Variants in RBMS3 observed in about 807,000 individuals in gnomAD.
The protein encoded by RBMS3 is RNA-binding motif, single-stranded-interacting protein 3.
In RBMS3, 27 loss-of-function variants were observed where a neutral mutation model predicts 66.8. The ratio of observed to expected loss-of-function variants is 0.40; its 90% CI spans 0.30 to 0.56. The LOEUF (loss-of-function observed/expected upper bound fraction) is 0.56. RBMS3 is among the 20% of genes least tolerant of loss of function. The probability of loss-of-function intolerance (pLI) is 0.40; values close to 1 mark genes in which losing one functional copy is unlikely to be tolerated. For synonymous variants in RBMS3, 188 were observed against 183.0 expected (o/e 1.03, Z -0.22); for missense variants, 513 against 549.5 (o/e 0.93, Z 0.66).
intron 8 of RBMS3, among the ~76,000 whole-genome samples, chr3:29,894,899 A>C (rs1217420718): frequency 6.6e-6 from 1 of 151,592 alleles, no homozygotes; most frequent in Non-Finnish European, 1.5e-5. Flanking sequence ...TTTTAGGTAG[A>C]GAGAATTTCA....
chr3:29,317,759 G>A (rs2034771835), intron 1 of RBMS3, among the ~76,000 whole-genome samples: 1 of 151,698 alleles, frequency 6.6e-6, no homozygotes, highest in African/African-American at 2.4e-5. Context: ...AAACTGTATA[G>A]TTCATCTTCC....
chr3:29,936,416 T>C (rs2149689233), intron 11 of RBMS3, among the ~76,000 whole-genome samples: 1 of 152,206 alleles, frequency 6.6e-6, no homozygotes, highest in Non-Finnish European at 1.5e-5. Flanking sequence ...TGTCATTCAG[T>C]TACTTCTTGT....
chr3:29,780,835 T>G (rs920136404), intron 6 of RBMS3, among the ~76,000 whole-genome samples: 2 of 152,204 alleles, frequency 1.3e-5, no homozygotes, highest in Admixed American at 1.3e-4. Context: ...TTTGATTTTT[T>G]ATTGTTTAGC....
rs1041621747 is a variant in RBMS3, at chr3:29,813,629, A to T, written c.637+50640A>T. Among the ~76,000 whole-genome samples the T allele has an allele frequency of 1.1e-4, 17 of 152,158 alleles. No homozygotes were observed. The East Asian group carries it at 3.3e-3, about 29-fold the overall frequency. Reference sequence around the variant, plus strand: ...ACCCATGAGCATGGAATGTTCTTCCATTTGTTTCTATCCTCTTTTTTTTCG... The same window carrying T: ...ACCCATGAGCATGGAATGTTCTTCCTTTTGTTTCTATCCTCTTTTTTTTCG... On this transcript the variant is annotated intron_variant, in intron 6 of 14. Coordinates refer to ENST00000383767, the MANE Select transcript of RBMS3 (RefSeq NM_001003793.3).
At chr3:29,852,568 C>A (rs1218855378) in intron 6 of RBMS3, among the ~76,000 whole-genome samples, 1 of 152,190 alleles carries the variant, frequency 6.6e-6, no homozygotes, top group East Asian at 1.9e-4. Flanking sequence ...AAAAGCTCAT[C>A]ATCACTGATC....
At chr3:29,478,976 G>GT (rs2043042305) in intron 2 of RBMS3, among the ~76,000 whole-genome samples, 2 of 152,234 alleles carry the variant, frequency 1.3e-5, no homozygotes, top group African/African-American at 2.4e-5. Flanking sequence ...CCTTACACAT[G>GT]TTTTTTTGTG....
At chr3:29,412,085 T>A (rs1045227082) in intron 1 of RBMS3, among the ~76,000 whole-genome samples, 1 of 152,226 alleles carries the variant, frequency 6.6e-6, no homozygotes, top group Non-Finnish European at 1.5e-5. Context: ...TATTTACATA[T>A]ATTGCAAACA....
intron 1 of RBMS3, among the ~76,000 whole-genome samples, chr3:29,336,643 A>G (rs1040304309): frequency 2.0e-5 from 3 of 152,144 alleles, no homozygotes; most frequent in Non-Finnish European, 4.4e-5. Flanking sequence ...CATGAAATGA[A>G]ATATACATAT....
intron 12 of RBMS3, among the ~76,000 whole-genome samples, chr3:29,950,773 AAACAATGTTACCAGCCT>A (rs1695632232): frequency 6.6e-6 from 1 of 151,904 alleles, no homozygotes; most frequent in African/African-American, 2.4e-5. Flanking sequence ...ACGAACATTT[AAACAATGTTACCAGCCT>A]TTTGAGATGC....
intron 3 of RBMS3, among the ~76,000 whole-genome samples, chr3:29,516,550 A>C (rs537795432): frequency 6.6e-6 from 1 of 152,048 alleles, no homozygotes; most frequent in Non-Finnish European, 1.5e-5. Context: ...TAGCCAAGAC[A>C]TCCCACTTTA....
intron 14 of RBMS3, among the ~76,000 whole-genome samples, chr3:29,999,667 C>A (rs1699482374): frequency 6.6e-6 from 1 of 151,556 alleles, no homozygotes; most frequent in Admixed American, 6.6e-5. Flanking sequence ...GACAAAAAAC[C>A]AAATACTGCA....
At chr3:29,666,262 T>A (rs2050751776) in intron 4 of RBMS3, among the ~76,000 whole-genome samples, 1 of 152,230 alleles carries the variant, frequency 6.6e-6, no homozygotes, top group Non-Finnish European at 1.5e-5. Context: ...TATTTTTCAT[T>A]ACAGCACATA....
chr3:29,317,423 A>G (rs1423747488), intron 1 of RBMS3, among the ~76,000 whole-genome samples: 1 of 151,674 alleles, frequency 6.6e-6, no homozygotes, highest in Non-Finnish European at 1.5e-5. Context: ...GCTTTAAATA[A>G]TCTGTAGATG....
chr3:29,944,118 C>A, intron 11 of RBMS3, 89 bp from the exon 12 acceptor site: 2 of 1,194,296 alleles, frequency 1.7e-6, no homozygotes, highest in Non-Finnish European at 2.5e-6. Context: ...ATATGACACA[C>A]AGCGGACTCT....
intron 2 of RBMS3, among the ~76,000 whole-genome samples, chr3:29,463,605 T>C (rs750512750): frequency 7.7e-6 from 1 of 129,862 alleles, no homozygotes; most frequent in Non-Finnish European, 1.6e-5. Flanking sequence ...TATGTATTTC[T>C]GGTTAGTTGA....
At chr3:29,507,619 T>C (rs1396300928) in intron 3 of RBMS3, among the ~76,000 whole-genome samples, 1 of 152,132 alleles carries the variant, frequency 6.6e-6, no homozygotes, top group Non-Finnish European at 1.5e-5. Flanking sequence ...CTCTCTCCTC[T>C]GCACTGTGAC....
chr3:29,684,550 T>A (rs1168484324), intron 4 of RBMS3, among the ~76,000 whole-genome samples: 1 of 152,196 alleles, frequency 6.6e-6, no homozygotes, highest in Non-Finnish European at 1.5e-5. Context: ...TAGGGAGTTA[T>A]GGAATGAATA....
At chr3:29,940,987 A>T (rs887224839) in intron 11 of RBMS3, among the ~76,000 whole-genome samples, 10 of 151,854 alleles carry the variant, frequency 6.6e-5, no homozygotes, top group Admixed American at 1.3e-4. Context: ...AAGTTGCATG[A>T]CAATCTTGTT....
At chr3:29,389,239 C>CT (rs2039166825) in intron 1 of RBMS3, among the ~76,000 whole-genome samples, 1 of 152,068 alleles carries the variant, frequency 6.6e-6, no homozygotes, top group African/African-American at 2.4e-5. Flanking sequence ...ATTAGTTTGG[C>CT]TTTTTTATTT....
Sources: gnomAD v4.1 joint callset for allele counts (sites outside exome capture counted in the v4.1 genomes callset) on GRCh38, gnomAD v4.1.1 for gene constraint, MANE v1.5 for transcripts, NCBI Gene and HGNC (gene_info 2026-07-23, HGNC 2026-07-21) for gene names.